Variants in ZFHX4 observed in about 807,000 individuals in gnomAD.
ZFHX4 encodes zinc finger homeobox 4.
In ZFHX4, 56 loss-of-function variants were observed where a neutral mutation model predicts 267.6. The ratio of observed to expected loss-of-function variants is 0.21; its 90% CI spans 0.17 to 0.26. ZFHX4 has a LOEUF of 0.26. Among genes scored for constraint, ZFHX4 ranks in the 10% least tolerant of loss-of-function variants. The pLI, the probability that ZFHX4 is intolerant of heterozygous loss-of-function variation, is 1.00. For synonymous variants in ZFHX4, 1,778 were observed against 1,665.6 expected (o/e 1.07, Z -1.64); for missense variants, 4,332 against 4,420.0 (o/e 0.98, Z 0.56).
At chr8:76,847,080 T>C (rs895339491) in intron 6 of ZFHX4, among the ~76,000 whole-genome samples, 1 of 152,170 alleles carries the variant, frequency 6.6e-6, no homozygotes, top group Admixed American at 6.6e-5. Flanking sequence ...TTGATAGACA[T>C]TGGTTGATTT....
rs780533395 is a variant in ZFHX4, at chr8:76,851,924, A to C, written c.5003A>C (p.Lys1668Thr). Residue 1668 changes from lysine (K) to threonine (T), a missense_variant, in exon 10 of 11, where the codon AAA becomes ACA. Lys to Thr is a moderately conservative substitution (Grantham distance 78). Around this residue, in one of 7 missense-constraint regions of ZFHX4, gnomAD observed 1,371 missense variants for 1,423.1 expected, o/e 0.96. Transcript: ENST00000651372. ...VNSKDTHLDA[K>T]ELNKKQTPDL... ...AGCAAAGATACCCATTTAGATGCCAAAGAATTAAATAAAAAGCAAACTCCT... is the reference window on the plus strand; with the variant it reads ...AGCAAAGATACCCATTTAGATGCCACAGAATTAAATAAAAAGCAAACTCCT... The C allele has an allele frequency of 6.2e-7, 1 of 1,614,034 alleles. No individual in the cohort carries two copies. The highest frequency in any genetic ancestry group is 1.1e-5 in the South Asian group (1 of 91,082).
chr8:76,697,292 T>C (rs1027032152), intron 1 of ZFHX4, among the ~76,000 whole-genome samples: 1 of 151,998 alleles, frequency 6.6e-6, no homozygotes, highest in Non-Finnish European at 1.5e-5. Context: ...TCTTTACATA[T>C]GAAATAAATT....
At chr8:76,708,453 A>G (rs1163940578) in intron 3 of ZFHX4, among the ~76,000 whole-genome samples, 3 of 152,008 alleles carry the variant, frequency 2.0e-5, no homozygotes, top group African/African-American at 4.8e-5. Context: ...TTGTGAATGC[A>G]TAATATTTTG....
intron 4 of ZFHX4, among the ~76,000 whole-genome samples, chr8:76,798,093 T>C (rs565483522): frequency 5.3e-4 from 81 of 152,274 alleles, no homozygotes; most frequent in Non-Finnish European, 9.7e-4. Flanking sequence ...CATCATAGCA[T>C]AGAAAGAAGA....
At chr8:76,828,189 AT>A (rs1811837350) in intron 4 of ZFHX4, among the ~76,000 whole-genome samples, 1 of 152,232 alleles carries the variant, frequency 6.6e-6, no homozygotes, top group Non-Finnish European at 1.5e-5. Context: ...TACTAAGATA[AT>A]AATAAATGTT....
At position 76,865,700 on chromosome 8, in the gene ZFHX4, T is replaced by A. The variant is rs1813008381; in HGVS notation, c.*1135T>A. On this transcript the variant is annotated 3_prime_UTR_variant, in exon 11 of 11. Coordinates refer to ENST00000651372, the MANE Select transcript of ZFHX4 (RefSeq NM_024721.5). ...CTTCTCGGGAAAGCAAAGAAGCTGC[T>A]TTAAAAAATAAAAAGGGGACTAAAA... is the stretch of plus-strand genomic sequence containing the variant. The A allele has an allele frequency of 6.6e-6, 1 of 152,558 alleles. No homozygotes were observed. The highest frequency in any genetic ancestry group is 2.4e-5 in the African/African-American group (1 of 41,424). 9.5% of individuals were successfully genotyped at this position (152,558 alleles called of 1,614,324 possible). A position where few individuals can be genotyped will look rare whatever the true frequency, so the allele number is the denominator to read the frequency against.
intron 4 of ZFHX4, among the ~76,000 whole-genome samples, chr8:76,801,321 G>A (rs1045133973): frequency 6.6e-6 from 1 of 152,186 alleles, no homozygotes; most frequent in Non-Finnish European, 1.5e-5. Context: ...TATACAATTA[G>A]AAGAATGAGC....
chr8:76,707,574 G>A lies in ZFHX4; in HGVS notation c.2619G>A (p.Arg873=). The A allele has an allele frequency of 1.3e-6, 2 of 1,588,712 alleles. No homozygotes were observed. Among genetic ancestry groups the A allele is most frequent in the Non-Finnish European group, 1.7e-6 (2 of 1,165,090 alleles). Residue 873 remains arginine (R), a synonymous_variant, in exon 3 of 11, where the codon CGG becomes CGA. Coordinates refer to ENST00000651372, the MANE Select transcript of ZFHX4 (RefSeq NM_024721.5). ...LVNNELPPEI[R]LASGQLMGDD... is the part of the protein sequence containing the mutation. Reference sequence around the variant, plus strand: ...ATAATGAGCTGCCGCCTGAAATCCGGCTTGCCAGTGGTCAGCTAATGGGTG... The same window carrying A: ...ATAATGAGCTGCCGCCTGAAATCCGACTTGCCAGTGGTCAGCTAATGGGTG...
At chr8:76,782,100 A>AT (rs77420241) in intron 4 of ZFHX4, 14,350 of 235,938 alleles carry the variant, frequency 0.061, 634 homozygotes, top group East Asian at 0.095. Flanking sequence ...TCAGTTAAGA[A>AT]TTTTTTTTTT....
intron 3 of ZFHX4, among the ~76,000 whole-genome samples, chr8:76,747,669 C>T (rs570686484): frequency 7.2e-5 from 11 of 152,232 alleles, no homozygotes; most frequent in South Asian, 2.1e-4. Context: ...CAGTGGCTCA[C>T]GCCTGTAATC....
At chr8:76,835,681 A>G (rs1563549426) in intron 5 of ZFHX4, among the ~76,000 whole-genome samples, 1 of 152,120 alleles carries the variant, frequency 6.6e-6, no homozygotes, top group Admixed American at 6.6e-5. Context: ...AATAGAATAA[A>G]CCTACTCTCC....
At chr8:76,824,197 A>G (rs1278576893) in intron 4 of ZFHX4, among the ~76,000 whole-genome samples, 4 of 152,168 alleles carry the variant, frequency 2.6e-5, no homozygotes, top group African/African-American at 7.2e-5. Flanking sequence ...GCTCTAAAGT[A>G]TTATCTATCT....
chr8:76,857,907 T>A (rs1440736334), intron 10 of ZFHX4, among the ~76,000 whole-genome samples: 1 of 152,138 alleles, frequency 6.6e-6, no homozygotes, highest in Non-Finnish European at 1.5e-5. Flanking sequence ...TACCACTGAT[T>A]ATTGACTCAG....
chr8:76,839,053 A>AAG (rs35873786), intron 5 of ZFHX4, among the ~76,000 whole-genome samples: 9,468 of 107,250 alleles, frequency 0.088, 715 homozygotes, highest in Non-Finnish European at 0.11. Flanking sequence ...CTCTGTCTGA[A>AAG]AGAGAGAGAG....
intron 3 of ZFHX4, among the ~76,000 whole-genome samples, chr8:76,754,348 G>T (rs1248764043): frequency 6.6e-6 from 1 of 152,042 alleles, no homozygotes; most frequent in Non-Finnish European, 1.5e-5. Flanking sequence ...AATTAGCCGG[G>T]CATGGTGGTG....
chr8:76,827,015 G>A (rs1036468716), intron 4 of ZFHX4, among the ~76,000 whole-genome samples: 1 of 152,208 alleles, frequency 6.6e-6, no homozygotes, highest in Non-Finnish European at 1.5e-5. Flanking sequence ...ACCTAGCAAA[G>A]CCAGCACAGT....
intron 3 of ZFHX4, among the ~76,000 whole-genome samples, chr8:76,745,212 A>G (rs549551813): frequency 3.9e-5 from 6 of 152,240 alleles, no homozygotes; most frequent in South Asian, 4.1e-4. Flanking sequence ...TTGAAGATTG[A>G]TCAGAATGCT....
chr8:76,723,722 AACATATACTC>A (rs1223148717), intron 3 of ZFHX4, among the ~76,000 whole-genome samples: 2 of 152,012 alleles, frequency 1.3e-5, no homozygotes, highest in Non-Finnish European at 2.9e-5. Flanking sequence ...TAAAGCATTA[AACATATACTC>A]ACCTATTAAA....
chr8:76,835,919 T>C (rs909211244), intron 5 of ZFHX4, among the ~76,000 whole-genome samples: 5 of 152,170 alleles, frequency 3.3e-5, no homozygotes, highest in Non-Finnish European at 7.3e-5. Flanking sequence ...TTCATCTAGA[T>C]GTTCTGTAGT....
Sources: allele counts gnomAD v4.1 joint callset (sites outside exome capture counted in the v4.1 genomes callset), GRCh38; gene constraint gnomAD v4.1.1; regional missense constraint gnomAD v4.1.1; transcripts MANE v1.5; gene names NCBI Gene and HGNC (gene_info 2026-07-23, HGNC 2026-07-21).